SYTL5: variants seen among roughly 807,000 people sequenced by gnomAD.
SYTL5 encodes synaptotagmin-like protein 5.
In SYTL5, 34 loss-of-function variants were observed where a neutral mutation model predicts 55.9. That is an observed-to-expected ratio of 0.61 (90% CI 0.46 to 0.81). SYTL5 has a LOEUF of 0.81. SYTL5 is among the 30% of genes least tolerant of loss of function. The pLI, the probability that SYTL5 is intolerant of heterozygous loss-of-function variation, is 0.00. For synonymous variants in SYTL5, 221 were observed against 188.7 expected, an observed-to-expected ratio of 1.17 and a Z score of -1.40; for missense variants, 637 against 546.7, an observed-to-expected ratio of 1.17 and a Z score of -1.65.
In SYTL5 at chrX:38,122,097, A is replaced by C; in HGVS notation, c.1723A>C (p.Lys575Gln). 1 of 1,188,655 alleles carries C rather than the reference A, an allele frequency of 8.4e-7. No homozygotes were observed. The highest frequency in any genetic ancestry group is 1.7e-5 in the African/African-American group (1 of 57,386). ...EQLQGNKTFKKGKKKESPVIS... is the reference protein window; with the variant it reads ...EQLQGNKTFKQGKKKESPVIS... The stretch of plus-strand genomic sequence containing the variant: ...TGACACAGGAAATAAGACTTTTAAA[A>C]AGGGAAAGAAGAAGGAGTCACCTGT... Residue 575 changes from lysine to glutamine, a missense_variant, in exon 15 of 17, where the codon AAG becomes CAG. Transcript: ENST00000297875.
chrX:38,124,460 A>G (rs1296621756), intron 15 of SYTL5, among the ~76,000 whole-genome samples: 1 of 111,583 alleles, frequency 9.0e-6, no homozygotes, highest in Non-Finnish European at 1.9e-5. Flanking sequence ...TACTAATTCC[A>G]TATGTACATA....
At chrX:38,107,579 A>G (rs1402232165) in intron 11 of SYTL5, among the ~76,000 whole-genome samples, 1 of 111,851 alleles carries the variant, frequency 8.9e-6, no homozygotes, top group African/African-American at 3.3e-5. Flanking sequence ...CACTTTTATC[A>G]GTTCTGGGAA....
chrX:37,899,761 T>C, the SYTL5 span, among the ~76,000 whole-genome samples: 2 of 111,761 alleles, frequency 1.8e-5, no homozygotes, highest in African/African-American at 6.5e-5. Context: ...CTTTTTTTAA[T>C]ATATTGGGTA....
chrX:38,096,237 A>G lies in SYTL5; in HGVS notation c.1062+3A>G. 3 of 1,085,697 alleles carry G rather than the reference A, an allele frequency of 2.8e-6. No individual in the cohort carries two copies. Among genetic ancestry groups the G allele is most frequent in the Non-Finnish European group, 3.8e-6 (3 of 787,022 alleles). The allele number at this position is 1,085,697 out of a possible 1,213,427, so 89.5% of individuals were successfully genotyped here. A position where few individuals can be genotyped will look rare whatever the true frequency, so the allele number is the denominator to read the frequency against. On this transcript the variant is annotated splice_donor_region_variant and intron_variant, in intron 9 of 16. Coordinates refer to ENST00000297875, the MANE Select transcript of SYTL5 (RefSeq NM_138780.3). Reference sequence around the variant, plus strand: ...CTGTCCCTGGGGCTTTAGACAAGGTAAGTTGGATGTGGAAGAAAATATAAT... The same window carrying G: ...CTGTCCCTGGGGCTTTAGACAAGGTGAGTTGGATGTGGAAGAAAATATAAT...
At chrX:37,892,523 A>T in the SYTL5 span, among the ~76,000 whole-genome samples, 1 of 99,075 alleles carries the variant, frequency 1.0e-5, no homozygotes, top group Non-Finnish European at 2.0e-5. Flanking sequence ...TTATATATAC[A>T]TATATAGTAT....
intron 6 of SYTL5, among the ~76,000 whole-genome samples, chrX:38,083,898 TA>T (rs1210153395): frequency 6.5e-5 from 7 of 108,522 alleles, no homozygotes; most frequent in African/African-American, 2.4e-4. Flanking sequence ...TAGTCCTTGT[TA>T]TACTGTTGGG....
intron 3 of SYTL5, among the ~76,000 whole-genome samples, chrX:38,070,922 A>G (rs1346939861): frequency 8.9e-6 from 1 of 111,847 alleles, no homozygotes; most frequent in African/African-American, 3.2e-5. Flanking sequence ...TTCCACAAAT[A>G]TTTCCTGAGT....
intron 6 of SYTL5, among the ~76,000 whole-genome samples, chrX:38,080,521 T>C (rs1278824124): frequency 9.0e-6 from 1 of 111,444 alleles, no homozygotes; most frequent in East Asian, 2.8e-4. Context: ...CTGTGAAGCT[T>C]CACAAGCTGC....
chrX:37,989,858 C>T, the SYTL5 span, among the ~76,000 whole-genome samples: 1 of 110,264 alleles, frequency 9.1e-6, no homozygotes, highest in South Asian at 4.0e-4. Flanking sequence ...GACAGGTAAA[C>T]TTATTGAACA....
At chrX:38,126,389 T>C (rs1307805416) in intron 16 of SYTL5, among the ~76,000 whole-genome samples, 199 bp from the exon 17 acceptor site, 1 of 112,283 alleles carries the variant, frequency 8.9e-6, no homozygotes, top group East Asian at 2.8e-4. Flanking sequence ...TTGCCTCATA[T>C]GGCCTAGGCA....
Position 38,096,149 on chromosome X carries a change from A to G in SYTL5, c.977A>G (p.Glu326Gly). The change falls in exon 9 of 17, where the codon GAG becomes GGG. Residue 326 changes from glutamate (E) to glycine (G), a missense_variant. By Grantham distance (98) the Glu-to-Gly change is moderately conservative (BLOSUM62 -2). Coordinates refer to ENST00000297875, the MANE Select transcript of SYTL5 (RefSeq NM_138780.3). ...TSLSSDQSRS[E>G]LDLSESFTED... ...CACCTTCCAGATCAGAGTCGATCTG[A>G]GTTAGATTTGAGTGAGTCATTTACA... is the stretch of plus-strand genomic sequence containing the variant. 1 of 1,114,834 alleles carries G rather than the reference A, an allele frequency of 9.0e-7. No homozygotes were observed. Among genetic ancestry groups the G allele is most frequent in the Non-Finnish European group, 1.2e-6 (1 of 813,224 alleles). The allele number at this position is 1,114,834 out of a possible 1,213,427, so 91.9% of individuals were successfully genotyped here.
At chrX:38,057,723 C>T (rs1351388957) in intron 3 of SYTL5, among the ~76,000 whole-genome samples, 1 of 111,573 alleles carries the variant, frequency 9.0e-6, no homozygotes, top group Admixed American at 9.5e-5. Context: ...TTAGTCCTTT[C>T]TGTCATCAGC....
the SYTL5 span, among the ~76,000 whole-genome samples, chrX:37,977,063 A>G: frequency 8.1e-5 from 9 of 111,771 alleles, no homozygotes; most frequent in Admixed American, 3.8e-4. Context: ...CTTTGAAAAA[A>G]TTATTTATTT....
intron 2 of SYTL5, among the ~76,000 whole-genome samples, chrX:38,041,460 A>G (rs1935286369): frequency 8.9e-6 from 1 of 111,973 alleles, no homozygotes; most frequent in African/African-American, 3.3e-5. Context: ...AGTTTGGTAA[A>G]CACTTTGGTT....
chrX:37,957,912 A>G, the SYTL5 span, among the ~76,000 whole-genome samples: 1 of 112,373 alleles, frequency 8.9e-6, no homozygotes, highest in Non-Finnish European at 1.9e-5. Context: ...GCTATCACAG[A>G]ATACCATAGA....
At position 38,017,934 on chromosome X, in the gene SYTL5, C is replaced by T. The variant is rs757153620; in HGVS notation, c.-357+11266C>T. On this transcript the variant is annotated intron_variant, in intron 1 of 16. Transcript: ENST00000297875. ...TGGGTCCAGGTGCCGGCGGTGATTA[C>T]CCTTATCTTGTCTCCTGCTAAATCA... Among the ~76,000 whole-genome samples, 8 of 109,888 alleles carry T rather than the reference C, an allele frequency of 7.3e-5. No individual in the cohort carries two copies. In the South Asian group the frequency reaches 2.8e-3, roughly 39 times the overall value.
chrX:38,125,348 T>C lies in SYTL5; in HGVS notation c.1892T>C (p.Ile631Thr). The change falls in exon 16 of 17, where the codon ATA (isoleucine) becomes ACA (threonine). Residue 631 changes from isoleucine (I) to threonine (T), a missense_variant. By Grantham distance (89) the Ile-to-Thr change is moderately conservative. Transcript: ENST00000297875. ...SKATKHKTLV[I>T]KKSVNPQWNH... ...GCCACCAAGCACAAAACTCTGGTAA[T>C]AAAAAAGAGTGTTAACCCTCAGTGG... 8.3e-7 allele frequency: 1 copy of C among 1,211,522 alleles called. No individual in the cohort carries two copies. The highest frequency in any genetic ancestry group is 3.0e-5 in the East Asian group (1 of 33,851).
chrX:38,089,497 C>A lies in SYTL5; in HGVS notation c.741C>A (p.Thr247=), dbSNP rs1273379385. Residue 247 remains threonine (T), a synonymous_variant, in exon 7 of 17, where the codon ACC becomes ACA. Transcript: ENST00000297875. ...DLNDQEPGPR[T]PKSSRSNGVT... is the part of the protein sequence containing the mutation. ...ATGACCAGGAACCTGGTCCTAGGAC[C>A]CCGAAGAGCAGTCGGAGCAATGGTG... The A allele has an allele frequency of 9.1e-6, 11 of 1,210,339 alleles. No individual in the cohort carries two copies. The highest frequency in any genetic ancestry group is 3.0e-5 in the East Asian group (1 of 33,721).
chrX:37,917,941 C>A, the SYTL5 span, among the ~76,000 whole-genome samples: 1 of 111,678 alleles, frequency 9.0e-6, no homozygotes, highest in Non-Finnish European at 1.9e-5. Context: ...AGATTTTTTT[C>A]TGGTGTAGTT....
Sources: allele counts gnomAD v4.1 joint callset (sites outside exome capture counted in the v4.1 genomes callset), GRCh38; gene constraint gnomAD v4.1.1; transcripts MANE v1.5; gene names NCBI Gene and HGNC (gene_info 2026-07-23, HGNC 2026-07-21).